Variants in GALNT12 observed in about 807,000 individuals in gnomAD.
The protein encoded by GALNT12 is UDP-GalNAc:polypeptide N-acetylgalactosaminyltransferase 12.
In GALNT12, 45 loss-of-function variants were observed where a neutral mutation model predicts 55.5. The ratio of observed to expected loss-of-function variants is 0.81; its 90% CI spans 0.64 to 1.04. The LOEUF (loss-of-function observed/expected upper bound fraction) is 1.04, where lower values mean the gene tolerates loss of function less well. Ranked by LOEUF, GALNT12 falls within the 50% of genes least tolerant of loss-of-function variation. GALNT12 has a pLI of 0.00. For synonymous variants in GALNT12, 304 were observed against 312.2 expected, an observed-to-expected ratio of 0.97 and a Z score of 0.28; for missense variants, 709 against 754.8, an observed-to-expected ratio of 0.94 and a Z score of 0.71.
Position 98,807,795 on chromosome 9 carries a change from C to T in GALNT12, c.97C>T (p.Leu33=). ...VLLALLALAG[L]GSVLRAQRGA... is the part of the protein sequence containing the mutation. Reference sequence around the variant, plus strand: ...CCTGGCGCTACTGGCGTTGGCCGGGCTGGGCTCGGTGCTGCGGGCGCAGCG... The same window carrying T: ...CCTGGCGCTACTGGCGTTGGCCGGGTTGGGCTCGGTGCTGCGGGCGCAGCG... Residue 33 remains leucine, a synonymous_variant, in exon 1 of 10, where the codon CTG becomes TTG. Transcript: ENST00000375011. The T allele has an allele frequency of 9.0e-7, 1 of 1,115,086 alleles. No individual in the cohort carries two copies. The highest frequency in any genetic ancestry group is 3.2e-5 in the South Asian group (1 of 31,568). 69.1% of individuals were successfully genotyped at this position (1,115,086 alleles called of 1,614,324 possible). A position where few individuals can be genotyped will look rare whatever the true frequency, so the allele number is the denominator to read the frequency against.
In GALNT12 at chr9:98,849,082, G is replaced by A. The variant is rs367620732; in HGVS notation, c.1736G>A (p.Arg579His). 10 of 1,614,142 alleles carry A rather than the reference G, an allele frequency of 6.2e-6. No homozygotes were observed. Among genetic ancestry groups the A allele is most frequent in the East Asian group, 2.2e-5 (1 of 44,882 alleles). The change falls in exon 10 of 10, where the codon CGC becomes CAC. Residue 579 changes from arginine to histidine, a missense_variant. By Grantham distance (29) the Arg-to-His change is conservative. This residue lies in a region of GALNT12 where 262 missense variants were observed against 310.7 expected (regional missense o/e 0.84). Transcript: ENST00000375011. ...SDHQKWFFKE[R>H]ML ...CATCAGAAATGGTTCTTCAAAGAGC[G>A]CATGTTATGAAGCCTCGTGTATCAA...
chr9:98,840,157 G>T (rs374395574), intron 7 of GALNT12, 24 bp downstream of exon 7: 1 of 1,612,030 alleles, frequency 6.2e-7, no homozygotes, highest in Non-Finnish European at 8.5e-7. Context: ...GTGGGCCCAC[G>T]GCAGGCAGGG....
chr9:98,819,690 C>A (rs1301591132), intron 1 of GALNT12, among the ~76,000 whole-genome samples: 2 of 152,060 alleles, frequency 1.3e-5, no homozygotes, highest in Admixed American at 6.5e-5. Flanking sequence ...GGACCCTGGA[C>A]CCCGAGAAGG....
At chr9:98,829,913 T>C (rs559652079) in intron 3 of GALNT12, among the ~76,000 whole-genome samples, 1 of 152,252 alleles carries the variant, frequency 6.6e-6, no homozygotes, top group African/African-American at 2.4e-5. Flanking sequence ...TTGGTTATTG[T>C]GAATAGTGCT....
chr9:98,848,528 G>A (rs895569930), intron 9 of GALNT12, among the ~76,000 whole-genome samples: 1 of 152,124 alleles, frequency 6.6e-6, no homozygotes, highest in Non-Finnish European at 1.5e-5. Flanking sequence ...TCATCCATCT[G>A]GTCTGTGGCT....
chr9:98,810,030 G>A (rs1282620311), intron 1 of GALNT12, among the ~76,000 whole-genome samples: 1 of 152,210 alleles, frequency 6.6e-6, no homozygotes, highest in African/African-American at 2.4e-5. Context: ...AGAAAGGTGA[G>A]CCTGAGCTGT....
Position 98,807,673 on chromosome 9 carries a change from G to C in GALNT12, c.-26G>C, listed in dbSNP as rs548801403. The C allele has an allele frequency of 1.9e-5, 21 of 1,108,714 alleles. No homozygotes were observed. The East Asian group carries it at 8.1e-4, about 43-fold the overall frequency. The allele number at this position is 1,108,714 out of a possible 1,614,324, so 68.7% of individuals were successfully genotyped here. On this transcript the variant is annotated 5_prime_UTR_variant, in exon 1 of 10. Transcript: ENST00000375011. ...CTCCACCGCCGCCTTGGGGCGCGCA[G>C]ATCGCTGGCTGCAGTTGGCGGGCGC...
At chr9:98,829,442 G>A (rs1835943244) in intron 3 of GALNT12, among the ~76,000 whole-genome samples, 1 of 152,056 alleles carries the variant, frequency 6.6e-6, no homozygotes, top group Non-Finnish European at 1.5e-5. Flanking sequence ...GCCCGTCTCA[G>A]CCTTCCAAAG....
intron 8 of GALNT12, among the ~76,000 whole-genome samples, chr9:98,844,724 G>A (rs1314251206): frequency 6.6e-6 from 1 of 152,148 alleles, no homozygotes; most frequent in Non-Finnish European, 1.5e-5. Context: ...GGGCCACCTT[G>A]CAAGGTGGTG....
intron 6 of GALNT12, among the ~76,000 whole-genome samples, chr9:98,837,882 G>A (rs1033506492): frequency 6.6e-6 from 1 of 152,178 alleles, no homozygotes; most frequent in Non-Finnish European, 1.5e-5. Flanking sequence ...GTATTGATTT[G>A]GAGGTTACAA....
intron 7 of GALNT12, among the ~76,000 whole-genome samples, chr9:98,843,023 G>A (rs964182046): frequency 9.9e-5 from 15 of 152,136 alleles, no homozygotes; most frequent in South Asian, 8.3e-4. Flanking sequence ...GCCAGTGGCC[G>A]CCACATGAAA....
In GALNT12 at chr9:98,837,616, C is replaced by G. The variant is rs914578016; in HGVS notation, c.1212+468C>G. 2.2e-4 allele frequency among the ~76,000 whole-genome samples: 33 copies of G among 152,164 alleles called. 1 individual carries two copies. The highest frequency in any genetic ancestry group is 3.7e-4 in the Non-Finnish European group (25 of 68,032). ...TTTTCTCTTCATCACAACCTTCTTG[C>G]ATTTAGGAACACTAGGTAGCACTTC... On this transcript the variant is annotated intron_variant, in intron 6 of 9. Transcript: ENST00000375011.
chr9:98,838,912 T>C (rs998254470), intron 6 of GALNT12, among the ~76,000 whole-genome samples: 6 of 152,088 alleles, frequency 3.9e-5, no homozygotes, highest in Admixed American at 2.0e-4. Flanking sequence ...TGATAGGAGG[T>C]AGAACTGGGC....
chr9:98,820,420 A>G (rs1036177558), intron 1 of GALNT12, among the ~76,000 whole-genome samples: 1 of 152,216 alleles, frequency 6.6e-6, no homozygotes, highest in East Asian at 1.9e-4. Flanking sequence ...TGCAAAGGAC[A>G]TAATCTCATT....
chr9:98,843,487 AC>A (rs1307051444), intron 7 of GALNT12, among the ~76,000 whole-genome samples: 1 of 151,720 alleles, frequency 6.6e-6, no homozygotes, highest in African/African-American at 2.4e-5. Flanking sequence ...GCTCACTGCA[AC>A]CTCCGTCTTC....
chr9:98,816,153 A>G (rs1173230105), intron 1 of GALNT12, among the ~76,000 whole-genome samples: 1 of 152,248 alleles, frequency 6.6e-6, no homozygotes, highest in African/African-American at 2.4e-5. Context: ...GTTACAAAGA[A>G]AAATTTTTAC....
chr9:98,831,530 C>T (rs1188970568), intron 3 of GALNT12, among the ~76,000 whole-genome samples: 1 of 152,164 alleles, frequency 6.6e-6, no homozygotes, highest in African/African-American at 2.4e-5. Context: ...AGAATCAGAG[C>T]ATATTAAAGT....
chr9:98,813,820 A>G (rs1835551376), intron 1 of GALNT12, among the ~76,000 whole-genome samples: 1 of 145,126 alleles, frequency 6.9e-6, no homozygotes, highest in Non-Finnish European at 1.5e-5. Context: ...AAAAAAAAAA[A>G]CTTTTTATCA....
At position 98,849,126 on chromosome 9, in the gene GALNT12, C is replaced by G. The variant is rs2118524561; in HGVS notation, c.*34C>G. 1 of 1,612,650 alleles carries G rather than the reference C, an allele frequency of 6.2e-7. No individual in the cohort carries two copies. The highest frequency in any genetic ancestry group is 1.3e-5 in the African/African-American group (1 of 75,006). On this transcript the variant is annotated 3_prime_UTR_variant, in exon 10 of 10. Transcript: ENST00000375011. ...GTATCAAGGAGCCCATCGAAGGAGA[C>G]TGTGGAGCCAGGACTCTGCCCAACA...
Sources: gnomAD v4.1 joint callset for allele counts (sites outside exome capture counted in the v4.1 genomes callset) on GRCh38, gnomAD v4.1.1 for gene constraint, gnomAD v4.1.1 regional missense constraint, MANE v1.5 for transcripts, NCBI Gene and HGNC (gene_info 2026-07-23, HGNC 2026-07-21) for gene names.